Variants in NKAIN3 observed in about 807,000 individuals in gnomAD.
NKAIN3 encodes the protein sodium/potassium transporting ATPase interacting 3, also known as sodium/potassium-transporting ATPase subunit beta-1-interacting protein 3.
NKAIN3 carries 25 observed loss-of-function variants against 30.2 expected under a neutral mutation model. The observed-to-expected ratio is 0.83, with a 90% CI of 0.60 to 1.16. NKAIN3 has a LOEUF of 1.16. Among genes scored for constraint, NKAIN3 ranks in the 50% most tolerant of loss-of-function variants. The pLI is 0.00. For synonymous variants in NKAIN3, 91 were observed against 89.6 expected, an observed-to-expected ratio of 1.02 and a Z score of -0.09; for missense variants, 225 against 254.1, an observed-to-expected ratio of 0.89 and a Z score of 0.78.
chr8:62,612,895 T>C (rs1290793677), intron 3 of NKAIN3, among the ~76,000 whole-genome samples: 1 of 152,132 alleles, frequency 6.6e-6, no homozygotes, highest in Non-Finnish European at 1.5e-5. Context: ...AGAAAGCTAA[T>C]AAAAGTTCTA....
At chr8:62,857,450 G>C (rs1298681597) in intron 4 of NKAIN3, among the ~76,000 whole-genome samples, 1 of 152,074 alleles carries the variant, frequency 6.6e-6, no homozygotes, top group Admixed American at 6.6e-5. Flanking sequence ...TTTCCAAATT[G>C]GTTCCATTCT....
At chr8:62,417,370 C>T (rs944460109) in intron 1 of NKAIN3, among the ~76,000 whole-genome samples, 7 of 152,144 alleles carry the variant, frequency 4.6e-5, no homozygotes, top group African/African-American at 1.7e-4. Flanking sequence ...TATCCATTCA[C>T]CTGTTGATGG....
At chr8:62,696,742 G>C (rs531604767) in intron 3 of NKAIN3, among the ~76,000 whole-genome samples, 14 of 152,074 alleles carry the variant, frequency 9.2e-5, no homozygotes, top group Non-Finnish European at 2.1e-4. Context: ...ATATTTCTGA[G>C]AGACATTTGT....
chr8:62,260,860 C>G (rs918897599), intron 1 of NKAIN3, among the ~76,000 whole-genome samples: 1 of 151,858 alleles, frequency 6.6e-6, no homozygotes, highest in Non-Finnish European at 1.5e-5. Flanking sequence ...ACTGTTATCT[C>G]TGCTCTGGGG....
chr8:62,452,316 A>C (rs563775075), intron 1 of NKAIN3, among the ~76,000 whole-genome samples: 1 of 152,128 alleles, frequency 6.6e-6, no homozygotes, highest in South Asian at 2.1e-4. Flanking sequence ...TCTCTACTAA[A>C]AATACAAAAA....
chr8:62,487,568 C>T (rs16929030), intron 1 of NKAIN3, among the ~76,000 whole-genome samples: 10,954 of 152,112 alleles, frequency 0.072, 492 homozygotes, highest in African/African-American at 0.13. Flanking sequence ...TGAATTTCCA[C>T]GTTGTCTCAA....
At chr8:62,733,023 A>G (rs551025461) in intron 3 of NKAIN3, among the ~76,000 whole-genome samples, 1 of 152,056 alleles carries the variant, frequency 6.6e-6, no homozygotes, top group South Asian at 2.1e-4. Context: ...TATTCCTGAC[A>G]CTATCATTAT....
At chr8:62,763,137 C>T (rs1054908580) in intron 4 of NKAIN3, among the ~76,000 whole-genome samples, 4 of 136,520 alleles carry the variant, frequency 2.9e-5, no homozygotes, top group South Asian at 2.5e-4. Flanking sequence ...AGGAGAATGG[C>T]GTGAACCCAG....
At chr8:62,559,492 C>T (rs929083912) in intron 1 of NKAIN3, among the ~76,000 whole-genome samples, 1 of 151,904 alleles carries the variant, frequency 6.6e-6, no homozygotes, top group African/African-American at 2.4e-5. Flanking sequence ...AATTTCTCTC[C>T]TTTCTTTCCC....
chr8:62,796,435 T>C (rs1317109303), intron 4 of NKAIN3, among the ~76,000 whole-genome samples: 2 of 140,982 alleles, frequency 1.4e-5, no homozygotes, highest in African/African-American at 5.2e-5. Flanking sequence ...TGCTAGATAC[T>C]GCATCCAGTC....
intron 4 of NKAIN3, among the ~76,000 whole-genome samples, chr8:62,751,683 A>G (rs1276905384): frequency 3.9e-5 from 6 of 152,170 alleles, no homozygotes. Context: ...TATGAAAATA[A>G]CTTCAGATGT....
intron 1 of NKAIN3, among the ~76,000 whole-genome samples, chr8:62,369,131 A>G (rs1042040806): frequency 1.3e-5 from 2 of 151,994 alleles, no homozygotes; most frequent in Non-Finnish European, 2.9e-5. Context: ...GTTCTTTTTA[A>G]CTTTATTCAA....
chr8:62,979,939 A>G lies in NKAIN3; in HGVS notation c.*14532A>G, dbSNP rs566467396. 6.6e-6 allele frequency: 1 copy of G among 152,338 alleles called. No individual in the cohort carries two copies. The highest frequency in any genetic ancestry group is 2.1e-4 in the South Asian group (1 of 4,824). The allele number at this position is 152,338 out of a possible 1,614,324, so 9.4% of individuals were successfully genotyped here. A position where few individuals can be genotyped will look rare whatever the true frequency, so the allele number is the denominator to read the frequency against. The stretch of plus-strand genomic sequence containing the variant: ...CCTCTGCTTGGGTCTGAGCATCAGA[A>G]AGCCACCTTCCAGTGGGTCTTTGCC... On this transcript the variant is annotated 3_prime_UTR_variant, in exon 7 of 7. Transcript: ENST00000623646.
At chr8:62,496,630 G>A (rs1807247215) in intron 1 of NKAIN3, among the ~76,000 whole-genome samples, 1 of 151,998 alleles carries the variant, frequency 6.6e-6, no homozygotes, top group Admixed American at 6.6e-5. Flanking sequence ...ATTCATGCAT[G>A]CATTTATTCA....
chr8:62,523,455 C>T (rs1180793765), intron 1 of NKAIN3, among the ~76,000 whole-genome samples: 2 of 152,132 alleles, frequency 1.3e-5, no homozygotes, highest in Non-Finnish European at 2.9e-5. Flanking sequence ...CCATGTTTCT[C>T]AATATTCTTT....
intron 1 of NKAIN3, among the ~76,000 whole-genome samples, chr8:62,453,308 G>C (rs1805709418): frequency 6.6e-6 from 1 of 152,046 alleles, no homozygotes; most frequent in South Asian, 2.1e-4. Context: ...AATTAAGGCA[G>C]AAATCAATAA....
intron 1 of NKAIN3, among the ~76,000 whole-genome samples, chr8:62,424,425 A>G (rs1028708213): frequency 2.0e-5 from 3 of 148,376 alleles, no homozygotes; most frequent in African/African-American, 5.0e-5. Flanking sequence ...TAAAAAATCT[A>G]CAAGGAACTC....
chr8:62,524,035 A>G (rs748379207), intron 1 of NKAIN3, among the ~76,000 whole-genome samples: 1 of 152,100 alleles, frequency 6.6e-6, no homozygotes, highest in Non-Finnish European at 1.5e-5. Flanking sequence ...ATGATGATCT[A>G]GTCTTATATT....
At chr8:62,368,880 C>T (rs1311381500) in intron 1 of NKAIN3, among the ~76,000 whole-genome samples, 2 of 151,416 alleles carry the variant, frequency 1.3e-5, no homozygotes, top group African/African-American at 2.4e-5. Flanking sequence ...CATGTATTCC[C>T]ATTGCAATGC....
Sources: allele counts gnomAD v4.1 joint callset (sites outside exome capture counted in the v4.1 genomes callset), GRCh38; gene constraint gnomAD v4.1.1; transcripts MANE v1.5; gene names NCBI Gene and HGNC (gene_info 2026-07-23, HGNC 2026-07-21).